Variants in PASD1 observed in about 807,000 individuals in gnomAD.
The protein encoded by PASD1 is PAS domain containing repressor 1, also known as circadian clock protein PASD1.
A neutral mutation model predicts 58.8 loss-of-function variants in PASD1; 13 were observed. The observed-to-expected ratio is 0.22, with a 90% CI of 0.14 to 0.35. The LOEUF (loss-of-function observed/expected upper bound fraction) is 0.35, where lower values mean the gene tolerates loss of function less well. Among genes scored for constraint, PASD1 ranks in the 10% least tolerant of loss-of-function variants. The pLI is 1.00. For missense variants in PASD1, 734 were observed against 568.3 expected, an observed-to-expected ratio of 1.29 and a Z score of -2.96; for synonymous variants, 236 against 216.7, an observed-to-expected ratio of 1.09 and a Z score of -0.78.
intron 9 of PASD1, among the ~76,000 whole-genome samples, chrX:151,650,894 T>C (rs894929026): frequency 9.0e-6 from 1 of 110,867 alleles, no homozygotes; most frequent in Non-Finnish European, 1.9e-5. Flanking sequence ...GGTGAGAGTA[T>C]AGGGAGACTA....
At chrX:151,581,986 CTTTTTT>C (rs72381794) in intron 1 of PASD1, among the ~76,000 whole-genome samples, 1 of 74,324 alleles carries the variant, frequency 1.3e-5, no homozygotes, top group African/African-American at 5.4e-5. Flanking sequence ...TTTCTTTTTC[CTTTTTT>C]TTTTTTTTTT....
intron 8 of PASD1, among the ~76,000 whole-genome samples, chrX:151,641,810 G>A (rs953232782): frequency 1.1e-5 from 1 of 93,233 alleles, no homozygotes; most frequent in Non-Finnish European, 2.2e-5. Context: ...GTGCACACGC[G>A]TACTTACACA....
intron 1 of PASD1, among the ~76,000 whole-genome samples, chrX:151,585,088 A>G (rs1414289437): frequency 1.8e-5 from 2 of 112,115 alleles, no homozygotes; most frequent in Non-Finnish European, 3.8e-5. Flanking sequence ...GGAAGCTTAC[A>G]TTCTAGTGGA....
chrX:151,624,629 A>G (rs1393983948), intron 7 of PASD1, among the ~76,000 whole-genome samples: 1 of 111,555 alleles, frequency 9.0e-6, no homozygotes, highest in Non-Finnish European at 1.9e-5. Context: ...GTGAGCTATT[A>G]CAGTTGTTGT....
chrX:151,596,211 A>G (rs2013320371), intron 1 of PASD1, among the ~76,000 whole-genome samples: 1 of 112,155 alleles, frequency 8.9e-6, no homozygotes, highest in African/African-American at 3.2e-5. Flanking sequence ...AAGGTTCTGC[A>G]GGATGAGAAG....
chrX:151,676,209 G>A lies in PASD1; in HGVS notation c.*66G>A, dbSNP rs892176765. On this transcript the variant is annotated 3_prime_UTR_variant, in exon 16 of 16. Coordinates refer to ENST00000370357, the MANE Select transcript of PASD1 (RefSeq NM_173493.3). ...GGGGCAGGCCAATGAGGTCTGCATG[G>A]CCAGGGGACCTTCAAGGTGCGTAAA... 2.0e-4 allele frequency: 224 copies of A among 1,098,842 alleles called. No homozygotes were observed. Among genetic ancestry groups the A allele is most frequent in the Non-Finnish European group, 2.7e-4 (218 of 819,526 alleles). 90.6% of individuals were successfully genotyped at this position (1,098,842 alleles called of 1,213,427 possible).
intron 1 of PASD1, among the ~76,000 whole-genome samples, chrX:151,596,503 C>G (rs774319438): frequency 1.1e-3 from 124 of 112,423 alleles, no homozygotes; most frequent in African/African-American, 3.9e-3. Flanking sequence ...TTTTAAGGAT[C>G]AAATTTCAAC....
chrX:151,663,910 G>T (rs1042520281), intron 10 of PASD1, among the ~76,000 whole-genome samples: 2 of 111,913 alleles, frequency 1.8e-5, no homozygotes, highest in Non-Finnish European at 3.8e-5. Flanking sequence ...AGCTTAAGCT[G>T]GAGGGTAGGC....
intron 1 of PASD1, among the ~76,000 whole-genome samples, chrX:151,589,482 A>G (rs767563240): frequency 8.9e-6 from 1 of 112,218 alleles, no homozygotes; most frequent in African/African-American, 3.2e-5. Flanking sequence ...AACAATCGCT[A>G]ATGAAAGCCA....
At chrX:151,564,378 T>C (rs2012795815) in intron 1 of PASD1, among the ~76,000 whole-genome samples, 1 of 111,787 alleles carries the variant, frequency 8.9e-6, no homozygotes, top group South Asian at 3.7e-4. Context: ...TTCAGAATTT[T>C]CAGGGCAGTA....
intron 4 of PASD1, among the ~76,000 whole-genome samples, chrX:151,613,233 A>G (rs1244924436): frequency 9.0e-6 from 1 of 110,990 alleles, no homozygotes. Flanking sequence ...TTGTAGTATA[A>G]TTTGAAGTCA....
At chrX:151,601,700 T>C in intron 2 of PASD1, 119 bp downstream of exon 2, 2 of 728,324 alleles carry the variant, frequency 2.7e-6, no homozygotes, top group Non-Finnish European at 4.1e-6. Flanking sequence ...CAGAGAAATG[T>C]GGTTTCTCCA....
intron 11 of PASD1, among the ~76,000 whole-genome samples, chrX:151,670,609 G>A (rs765091981): frequency 5.3e-4 from 59 of 112,020 alleles, no homozygotes; most frequent in African/African-American, 1.7e-3. Flanking sequence ...GTGAGTTTTC[G>A]TACAGTGCTT....
intron 1 of PASD1, among the ~76,000 whole-genome samples, chrX:151,571,125 C>T (rs371091213): frequency 9.0e-6 from 1 of 111,599 alleles, no homozygotes; most frequent in Non-Finnish European, 1.9e-5. Flanking sequence ...TGGATTGAGG[C>T]GATTTTGTAA....
At chrX:151,668,907 A>G (rs1314518148) in intron 11 of PASD1, among the ~76,000 whole-genome samples, 1 of 44,750 alleles carries the variant, frequency 2.2e-5, no homozygotes, top group Non-Finnish European at 4.3e-5. Flanking sequence ...CACAACAAAA[A>G]AAAAAGAGAT....
chrX:151,672,795 T>TCTCAACTTGCC lies in PASD1; in HGVS notation c.1916+135_1916+145dup, dbSNP rs762108075. On this transcript the variant is annotated intron_variant, in intron 14 of 15. Transcript: ENST00000370357. ...GTCCCTCTCATCAATAGCAACTTGC[T>TCTCAACTTGCC]CTCAACTTGCCTTCTCTGTGGCCAC... 4.9e-6 allele frequency: 5 copies of TCTCAACTTGCC among 1,028,620 alleles called. No individual in the cohort carries two copies. The East Asian group carries it at 1.3e-4, about 27-fold the overall frequency. 84.8% of individuals were successfully genotyped at this position (1,028,620 alleles called of 1,213,427 possible).
intron 9 of PASD1, among the ~76,000 whole-genome samples, chrX:151,653,775 T>C (rs192083221): frequency 3.6e-3 from 28 of 7,766 alleles, no homozygotes; most frequent in Non-Finnish European, 6.0e-3. Context: ...TCTTTCTTTC[T>C]TTCTTTCTTT....
chrX:151,574,083 T>C (rs981945865), intron 1 of PASD1, among the ~76,000 whole-genome samples: 1 of 112,380 alleles, frequency 8.9e-6, no homozygotes, highest in African/African-American at 3.2e-5. Context: ...TACTTTTGCT[T>C]GCTTCACAAT....
At chrX:151,567,130 G>T (rs1259020560) in intron 1 of PASD1, among the ~76,000 whole-genome samples, 2 of 110,926 alleles carry the variant, frequency 1.8e-5, no homozygotes, top group Non-Finnish European at 3.8e-5. Context: ...GAGCATTTCA[G>T]ATTTTGGATT....
Sources: allele counts gnomAD v4.1 joint callset (sites outside exome capture counted in the v4.1 genomes callset), GRCh38; gene constraint gnomAD v4.1.1; transcripts MANE v1.5; gene names NCBI Gene and HGNC (gene_info 2026-07-23, HGNC 2026-07-21).